Variants in RIMKLB observed in about 807,000 individuals in gnomAD.
RIMKLB encodes beta-citrylglutamate synthase B.
RIMKLB carries 7 observed loss-of-function variants against 32.0 expected under a neutral mutation model. That is an observed-to-expected ratio of 0.22 (90% confidence interval 0.12 to 0.41). The LOEUF (loss-of-function observed/expected upper bound fraction) is 0.41. RIMKLB is among the 10% of genes least tolerant of loss of function. RIMKLB has a pLI of 1.00. For missense variants in RIMKLB, 289 were observed against 498.7 expected (o/e 0.58, Z 4.00); for synonymous variants, 172 against 185.1 (o/e 0.93, Z 0.57).
intron 3 of RIMKLB, among the ~76,000 whole-genome samples, chr12:8,751,222 C>G (rs968111228): frequency 6.6e-6 from 1 of 152,146 alleles, no homozygotes; most frequent in African/African-American, 2.4e-5. Context: ...ACAAGTATTA[C>G]CTTTGTTCTA....
chr12:8,710,444 A>C (rs998879552), intron 1 of RIMKLB, among the ~76,000 whole-genome samples: 3 of 150,858 alleles, frequency 2.0e-5, no homozygotes, highest in African/African-American at 7.3e-5. Context: ...AGTAGCTGGG[A>C]TTACAGGCAT....
upstream of RIMKLB, among the ~76,000 whole-genome samples, chr12:8,694,617 C>T (rs1183217723): frequency 6.6e-6 from 1 of 152,068 alleles, no homozygotes; most frequent in East Asian, 1.9e-4. Flanking sequence ...TGGTCTCGAA[C>T]TCCTGACCTC....
chr12:8,767,375 T>C (rs1950056047), intron 5 of RIMKLB, among the ~76,000 whole-genome samples: 1 of 152,206 alleles, frequency 6.6e-6, no homozygotes, highest in African/African-American at 2.4e-5. Context: ...GACAAGACTC[T>C]CTGGCTTCGT....
chr12:8,725,915 T>A (rs1945944450), intron 2 of RIMKLB, among the ~76,000 whole-genome samples: 1 of 152,206 alleles, frequency 6.6e-6, no homozygotes, highest in East Asian at 1.9e-4. Context: ...TGGTGCGATC[T>A]TGGTTCACTG....
At chr12:8,699,697 A>G (rs1943215065) in intron 1 of RIMKLB, 1 of 151,878 alleles carries the variant, frequency 6.6e-6, no homozygotes, top group Non-Finnish European at 1.5e-5. Flanking sequence ...TCATTGATTT[A>G]GTTGTTAGTT....
At chr12:8,757,819 T>C (rs1198206185) in intron 5 of RIMKLB, among the ~76,000 whole-genome samples, 1 of 152,226 alleles carries the variant, frequency 6.6e-6, no homozygotes, top group Non-Finnish European at 1.5e-5. Context: ...CTACTAGATA[T>C]TGCCAAATGA....
At position 8,766,784 on chromosome 12, in the gene RIMKLB, G is replaced by A. The variant is rs1950004060; in HGVS notation, c.698-6537G>A. 2.0e-5 allele frequency among the ~76,000 whole-genome samples: 3 copies of A among 152,210 alleles called. No individual in the cohort carries two copies. The South Asian group carries it at 6.2e-4, about 31-fold the overall frequency. On this transcript the variant is annotated intron_variant, in intron 5 of 5. Transcript: ENST00000535829. Reference sequence around the variant, plus strand: ...AATCCCCTGTTAGGAAATCTGCTAGGTTAAGGGAATTTTCAGTGGTTAATG... The same window carrying A: ...AATCCCCTGTTAGGAAATCTGCTAGATTAAGGGAATTTTCAGTGGTTAATG...
intron 5 of RIMKLB, among the ~76,000 whole-genome samples, chr12:8,763,241 C>T (rs1048828840): frequency 2.6e-5 from 4 of 152,202 alleles, no homozygotes; most frequent in African/African-American, 9.7e-5. Flanking sequence ...GCAAGCTGGT[C>T]CCTCGGACCT....
chr12:8,733,897 T>C (rs1946766970), intron 2 of RIMKLB, among the ~76,000 whole-genome samples: 1 of 151,968 alleles, frequency 6.6e-6, no homozygotes, highest in South Asian at 2.1e-4. Context: ...TGATAGGTGA[T>C]TGTTAGATTG....
At chr12:8,692,206 T>C (rs191785865), upstream of RIMKLB, among the ~76,000 whole-genome samples, 223 of 152,344 alleles carry the variant, frequency 1.5e-3, 2 homozygotes, top group African/African-American at 5.0e-3. Context: ...TCATTTTCTC[T>C]TCAGTCAGAG....
the RIMKLB span, among the ~76,000 whole-genome samples, chr12:8,671,861 G>C: frequency 3.3e-5 from 5 of 152,108 alleles, no homozygotes; most frequent in African/African-American, 1.2e-4. Flanking sequence ...GCAGTGAGCT[G>C]AGATTGCGCC....
Position 8,754,017 on chromosome 12 carries a change from T to C in RIMKLB, c.621T>C (p.Ile207=). 6.2e-7 allele frequency: 1 copy of C among 1,614,058 alleles called. No homozygotes were observed. The highest frequency in any genetic ancestry group is 8.5e-7 in the Non-Finnish European group (1 of 1,179,912). The change falls in exon 5 of 6, where the codon ATT becomes ATC. Residue 207 remains isoleucine, a synonymous_variant. Coordinates refer to ENST00000535829, the MANE Select transcript of RIMKLB (RefSeq NM_001297776.2). ...KESHGRDVRV[I]VVGGRVVGTM... Reference sequence around the variant, plus strand: ...CTCATGGACGGGATGTACGTGTCATTGTCGTGGGAGGCCGTGTGGTTGGCA... The same window carrying C: ...CTCATGGACGGGATGTACGTGTCATCGTCGTGGGAGGCCGTGTGGTTGGCA...
intron 2 of RIMKLB, among the ~76,000 whole-genome samples, chr12:8,733,912 A>G (rs148367523): frequency 6.9e-4 from 105 of 152,226 alleles, no homozygotes; most frequent in African/African-American, 2.3e-3. Context: ...AGATTGATCG[A>G]TTGATTTAGG....
In RIMKLB at chr12:8,753,957, A is replaced by G; in HGVS notation, c.561A>G (p.Glu187=). The change falls in exon 5 of 6, where the codon GAA becomes GAG. Residue 187 remains glutamate (E), a synonymous_variant. Coordinates refer to ENST00000535829, the MANE Select transcript of RIMKLB (RefSeq NM_001297776.2). The part of the protein sequence containing the change: ...LADLSHLIRH[E]APYLFQKYVK... ...ATCTAAGCCATCTTATTCGCCATGA[A>G]GCGCCATACCTGTTCCAGAAGTATG... 6.2e-7 allele frequency: 1 copy of G among 1,613,934 alleles called. No individual in the cohort carries two copies. Among genetic ancestry groups the G allele is most frequent in the Non-Finnish European group, 8.5e-7 (1 of 1,179,852 alleles).
intron 2 of RIMKLB, among the ~76,000 whole-genome samples, chr12:8,740,853 A>G (rs1419911822): frequency 1.3e-5 from 2 of 152,094 alleles, no homozygotes; most frequent in African/African-American, 4.8e-5. Context: ...TGGGCAGATC[A>G]CTTGAGGTCA....
In RIMKLB at chr12:8,754,035, G is replaced by C. The variant is rs1476579242; in HGVS notation, c.639G>C (p.Val213=). 1.2e-6 allele frequency: 2 copies of C among 1,613,928 alleles called. No individual in the cohort carries two copies. The highest frequency in any genetic ancestry group is 1.7e-6 in the Non-Finnish European group (2 of 1,179,954). ...DVRVIVVGGR[V]VGTMLRCSTD... is the part of the protein sequence containing the mutation. ...GTGTCATTGTCGTGGGAGGCCGTGT[G>C]GTTGGCACCATGTTACGTTGTTCAA... The change falls in exon 5 of 6, where the codon GTG becomes GTC. Residue 213 remains valine, a synonymous_variant. Transcript: ENST00000535829.
intron 2 of RIMKLB, among the ~76,000 whole-genome samples, chr12:8,716,725 C>CTTTTTTTTTTTTTTTTTTTTTT (rs71451981): frequency 2.1e-5 from 2 of 95,158 alleles, no homozygotes; most frequent in African/African-American, 8.1e-5. Context: ...TCTTTTCCTT[C>CTTTTTTTTTTTTTTTTTTTTTT]TTTTTTTTTT....
At position 8,750,091 on chromosome 12, in the gene RIMKLB, T is replaced by C. The variant is rs373647184; in HGVS notation, c.405T>C (p.Tyr135=). The C allele has an allele frequency of 9.4e-6, 15 of 1,588,500 alleles. No individual in the cohort carries two copies. The highest frequency in any genetic ancestry group is 1.1e-5 in the Non-Finnish European group (13 of 1,156,946). ...TTCCTCTGCCGGATACTTTCTCTTA[T>C]GGTGAGCCTACTAAAGAGCATACAT... The part of the protein sequence containing the change: ...HGVPLPDTFS[Y]GGHENFAKMI... Residue 135 remains tyrosine, a splice_region_variant and synonymous_variant, in exon 3 of 6, where the codon TAT becomes TAC. Transcript: ENST00000535829.
Position 8,775,126 on chromosome 12 carries a change from G to T in RIMKLB, c.*1342G>T. The T allele has an allele frequency of 3.0e-6, 3 of 985,420 alleles. No homozygotes were observed. The highest frequency in any genetic ancestry group is 3.6e-6 in the Non-Finnish European group (3 of 829,768). 61.0% of individuals were successfully genotyped at this position (985,420 alleles called of 1,614,324 possible). A position where few individuals can be genotyped will look rare whatever the true frequency, so the allele number is the denominator to read the frequency against. On this transcript the variant is annotated 3_prime_UTR_variant, in exon 6 of 6. Coordinates refer to ENST00000535829, the MANE Select transcript of RIMKLB (RefSeq NM_001297776.2). ...GTTTGTTTTTTTCCTTTTGTTTCTA[G>T]CCTGTTCAGTGTACAGTTTATTCAA...
Sources: allele counts gnomAD v4.1 joint callset (sites outside exome capture counted in the v4.1 genomes callset), GRCh38; gene constraint gnomAD v4.1.1; transcripts MANE v1.5; gene names NCBI Gene and HGNC (gene_info 2026-07-23, HGNC 2026-07-21).